Variants in POMT2 observed in about 807,000 individuals in gnomAD.
POMT2 encodes protein O-mannosyl-transferase 2.
POMT2 carries 75 observed loss-of-function variants against 100.0 expected under a neutral mutation model. The ratio of observed to expected loss-of-function variants is 0.75; its 90% CI spans 0.62 to 0.91. The LOEUF (loss-of-function observed/expected upper bound fraction) is 0.91, where lower values mean the gene tolerates loss of function less well. POMT2 is among the 40% of genes least tolerant of loss of function. The pLI is 0.00. For missense variants in POMT2, 940 were observed against 955.1 expected, an observed-to-expected ratio of 0.98 and a Z score of 0.21; for synonymous variants, 378 against 374.1, an observed-to-expected ratio of 1.01 and a Z score of -0.12.
At chr14:77,310,111 T>G (rs574935400) in intron 2 of POMT2, among the ~76,000 whole-genome samples, 2 of 152,266 alleles carry the variant, frequency 1.3e-5, no homozygotes, top group Non-Finnish European at 2.9e-5. Context: ...TGAAAAATCT[T>G]CATCAGAAAT....
At chr14:77,296,580 T>A in intron 8 of POMT2, 1 of 382,312 alleles carries the variant, frequency 2.6e-6, no homozygotes, top group Non-Finnish European at 4.8e-6. Context: ...GGTCTCCACA[T>A]GGATTCAATG....
At chr14:77,298,638 C>T (rs1202157952) in intron 8 of POMT2, 51 bp downstream of exon 8, 3 of 1,597,868 alleles carry the variant, frequency 1.9e-6, no homozygotes, top group African/African-American at 1.3e-5. Context: ...CAATTCAACT[C>T]CCAGGACACC....
At chr14:77,320,393 G>A (rs1489111459) in intron 1 of POMT2, 41 bp downstream of exon 1, 1 of 1,543,470 alleles carries the variant, frequency 6.5e-7, no homozygotes, top group African/African-American at 1.4e-5. Flanking sequence ...GCGTCCCGTC[G>A]CGGTTGCCAT....
intron 9 of POMT2, among the ~76,000 whole-genome samples, chr14:77,294,940 C>T (rs182537831): frequency 2.2e-4 from 34 of 152,242 alleles, no homozygotes; most frequent in African/African-American, 7.7e-4. Context: ...ATGCTTTTTG[C>T]CTCTGTTCAC....
chr14:77,286,933 T>A (rs771127966), intron 11 of POMT2, 111 bp from the exon 12 acceptor site: 11 of 1,558,794 alleles, frequency 7.1e-6, no homozygotes, highest in Admixed American at 1.9e-5. Flanking sequence ...AAAATTAGAA[T>A]CTGAACTATT....
intron 1 of POMT2, 70 bp from the exon 2 acceptor site, chr14:77,312,103 C>T: frequency 1.3e-6 from 2 of 1,575,466 alleles, no homozygotes; most frequent in Non-Finnish European, 1.7e-6. Context: ...CTTCATAAAG[C>T]ATGGTTAAAA....
Position 77,278,440 on chromosome 14 carries a change from T to G in POMT2, c.2101A>C (p.Ile701Leu), listed in dbSNP as rs146367996. The G allele has an allele frequency of 7.3e-6, 11 of 1,499,576 alleles. No individual in the cohort carries two copies. The South Asian group carries it at 1.3e-4, about 18-fold the overall frequency. 92.9% of individuals were successfully genotyped at this position (1,499,576 alleles called of 1,614,324 possible). ...GLASWPLARG[I>L]HVAGILSLLL... ...AGGCTCAGGATTCCCGCCACATGTA[T>G]GCCCCTCGCCAGGGGCCATGAGGCC... Residue 701 changes from isoleucine to leucine, a missense_variant, in exon 20 of 21, where the codon ATA becomes CTA. Ile to Leu is a conservative substitution (Grantham distance 5). Transcript: ENST00000261534.
intron 8 of POMT2, among the ~76,000 whole-genome samples, chr14:77,297,700 A>G (rs1890880413): frequency 6.6e-6 from 1 of 152,200 alleles, no homozygotes; most frequent in African/African-American, 2.4e-5. Context: ...TCAAGTCCTT[A>G]GTGACATCTT....
intron 1 of POMT2, among the ~76,000 whole-genome samples, chr14:77,319,756 T>TAACCCAGGA (rs1450481119): frequency 3.9e-5 from 6 of 152,256 alleles, no homozygotes; most frequent in Non-Finnish European, 5.9e-5. Context: ...TAAAGTCCTT[T>TAACCCAGGA]GTCTCTAACC....
At chr14:77,307,097 A>T (rs1891252672) in intron 2 of POMT2, among the ~76,000 whole-genome samples, 1 of 152,250 alleles carries the variant, frequency 6.6e-6, no homozygotes, top group Non-Finnish European at 1.5e-5. Flanking sequence ...AAAACCTTTG[A>T]CAAGATCGGC....
At chr14:77,311,833 C>A (rs1891443500) in intron 2 of POMT2, 116 bp downstream of exon 2, 2 of 1,471,080 alleles carry the variant, frequency 1.4e-6, no homozygotes, top group Admixed American at 2.7e-5. Flanking sequence ...TCAGAAAATT[C>A]TTTCTACAAG....
intron 4 of POMT2, among the ~76,000 whole-genome samples, chr14:77,304,417 A>G (rs1032133481): frequency 6.6e-6 from 1 of 152,222 alleles, no homozygotes; most frequent in Non-Finnish European, 1.5e-5. Context: ...CTTATTACCC[A>G]TTCCAAACTC....
chr14:77,292,142 T>C (rs1890664553), intron 9 of POMT2, among the ~76,000 whole-genome samples: 2 of 152,216 alleles, frequency 1.3e-5, no homozygotes, highest in African/African-American at 4.8e-5. Context: ...ACAGATATCC[T>C]GTCCTAGAAT....
At chr14:77,281,612 G>C (rs1007567116) in intron 15 of POMT2, among the ~76,000 whole-genome samples, 3 of 152,172 alleles carry the variant, frequency 2.0e-5, no homozygotes, top group Non-Finnish European at 4.4e-5. Flanking sequence ...GACTGAAAAG[G>C]CATTTCCCCA....
At chr14:77,280,593 G>A in intron 15 of POMT2, 130 bp from the exon 16 acceptor site, 1 of 1,545,882 alleles carries the variant, frequency 6.5e-7, no homozygotes, top group Non-Finnish European at 8.7e-7. Context: ...TTCCCTTGCA[G>A]GGAAGAATCA....
intron 14 of POMT2, 161 bp from the exon 15 acceptor site, chr14:77,284,034 C>T (rs1039887822): frequency 2.8e-6 from 2 of 704,474 alleles, no homozygotes; most frequent in African/African-American, 3.5e-5. Flanking sequence ...TGATCATTTA[C>T]TTAGCTGTAT....
intron 2 of POMT2, among the ~76,000 whole-genome samples, chr14:77,308,575 C>T (rs368826011): frequency 1.3e-5 from 2 of 151,830 alleles, no homozygotes; most frequent in African/African-American, 2.4e-5. Flanking sequence ...AGGCTGGTCT[C>T]GAACTCCTGA....
intron 15 of POMT2, among the ~76,000 whole-genome samples, chr14:77,281,086 C>T (rs190208071): frequency 1.3e-4 from 20 of 148,716 alleles, no homozygotes; most frequent in Admixed American, 8.4e-4. Context: ...AAGACCAAGA[C>T]TCAGTCTCAA....
In POMT2 at chr14:77,302,866, T is replaced by C; in HGVS notation, c.625A>G (p.Ser209Gly). The C allele has an allele frequency of 6.2e-7, 1 of 1,613,694 alleles. No individual in the cohort carries two copies. The highest frequency in any genetic ancestry group is 1.1e-5 in the South Asian group (1 of 91,048). Reference sequence around the variant, plus strand: ...GCGCAAGAGTTGTACTTGACCATGCTCAGCATGGCAGCCATGATGAAGAAC... The same window carrying C: ...GCGCAAGAGTTGTACTTGACCATGCCCAGCATGGCAGCCATGATGAAGAAC... ...LMFFIMAAMLSMVKYNSCADR... is the reference protein window; with the variant it reads ...LMFFIMAAMLGMVKYNSCADR... The change falls in exon 5 of 21, where the codon AGC (serine) becomes GGC (glycine). Residue 209 changes from serine to glycine, a missense_variant. By Grantham distance (56) the Ser-to-Gly change is moderately conservative. Transcript: ENST00000261534.
Sources: gnomAD v4.1 joint callset for allele counts (sites outside exome capture counted in the v4.1 genomes callset) on GRCh38, gnomAD v4.1.1 for gene constraint, MANE v1.5 for transcripts, NCBI Gene and HGNC (gene_info 2026-07-23, HGNC 2026-07-21) for gene names.